Variants in PITPNM3 observed in about 807,000 individuals in gnomAD.
The protein encoded by PITPNM3 is PITPNM family member 3, also known as membrane-associated phosphatidylinositol transfer protein 3.
In PITPNM3, 26 loss-of-function variants were observed where a neutral mutation model predicts 102.0. The ratio of observed to expected loss-of-function variants is 0.25; its 90% CI spans 0.19 to 0.35. PITPNM3 has a LOEUF of 0.35. Among genes scored for constraint, PITPNM3 ranks in the 10% least tolerant of loss-of-function variants. The pLI, the probability that PITPNM3 is intolerant of heterozygous loss-of-function variation, is 1.00. For synonymous variants in PITPNM3, 578 were observed against 558.6 expected, an observed-to-expected ratio of 1.03 and a Z score of -0.49; for missense variants, 1,083 against 1,346.1, an observed-to-expected ratio of 0.80 and a Z score of 3.06.
chr17:6,504,128 C>T (rs543329553), intron 3 of PITPNM3, among the ~76,000 whole-genome samples: 3 of 152,332 alleles, frequency 2.0e-5, no homozygotes, highest in Admixed American at 6.5e-5. Context: ...TCTAGGGCCC[C>T]AGGTCTCTGA....
rs1468471216 is a variant in PITPNM3 at position 6,453,339 on chromosome 17, T to TG, written c.*1998dup. On this transcript the variant is annotated 3_prime_UTR_variant, in exon 20 of 20. Transcript: ENST00000262483. The stretch of plus-strand genomic sequence containing the variant: ...CTGCCCAAGTTTAAATCAGGATATT[T>TG]GGGGGAAGGATTAGGGTTGGGGTGG... 6.6e-6 allele frequency: 1 copy of TG among 152,214 alleles called. No homozygotes were observed. Among genetic ancestry groups the TG allele is most frequent in the Admixed American group, 6.5e-5 (1 of 15,272 alleles). The allele number at this position is 152,214 out of a possible 1,614,324, so 9.4% of individuals were successfully genotyped here. A position where few individuals can be genotyped will look rare whatever the true frequency, so the allele number is the denominator to read the frequency against.
In PITPNM3 at chr17:6,471,330, G is replaced by A. The variant is rs770645663; in HGVS notation, c.1455C>T (p.Pro485=). Residue 485 remains proline, a synonymous_variant, in exon 12 of 20, where the codon CCC becomes CCT. Transcript: ENST00000262483. The part of the protein sequence containing the change: ...LLADALHTHS[P]LFLEGSSRDS... ...CCCGGGAGCTGCCCTCCAGGAAGAGGGGGCTGTGGGTGTGTAGGGCATCAG... is the reference window on the plus strand; with the variant it reads ...CCCGGGAGCTGCCCTCCAGGAAGAGAGGGCTGTGGGTGTGTAGGGCATCAG... 3.1e-6 allele frequency: 5 copies of A among 1,605,350 alleles called. No individual in the cohort carries two copies. The South Asian group carries it at 5.5e-5, about 18-fold the overall frequency.
chr17:6,525,239 C>A (rs1394234398), intron 3 of PITPNM3, 117 bp downstream of exon 3: 5 of 929,426 alleles, frequency 5.4e-6, no homozygotes, highest in Non-Finnish European at 8.9e-6. Flanking sequence ...AAGGAGGAAC[C>A]AAGGCAGATA....
intron 3 of PITPNM3, among the ~76,000 whole-genome samples, chr17:6,508,006 G>A (rs1348434721): frequency 6.6e-6 from 1 of 151,936 alleles, no homozygotes; most frequent in Non-Finnish European, 1.5e-5. Flanking sequence ...GGGTTGCTGG[G>A]AATGCTGGGG....
chr17:6,534,288 G>A (rs531083202), intron 2 of PITPNM3, among the ~76,000 whole-genome samples: 4 of 152,318 alleles, frequency 2.6e-5, no homozygotes, highest in Non-Finnish European at 5.9e-5. Context: ...CTTAGCCAGA[G>A]GAGCTGGCAC....
intron 6 of PITPNM3, 79 bp downstream of exon 6, chr17:6,483,438 G>C: frequency 2.2e-6 from 3 of 1,383,176 alleles, no homozygotes; most frequent in East Asian, 4.9e-5. Flanking sequence ...TGCCCACGGG[G>C]TCCATGCTGC....
At chr17:6,508,007 A>G (rs1280900549) in intron 3 of PITPNM3, among the ~76,000 whole-genome samples, 1 of 151,556 alleles carries the variant, frequency 6.6e-6, no homozygotes, top group African/African-American at 2.4e-5. Flanking sequence ...GGTTGCTGGG[A>G]ATGCTGGGGA....
At chr17:6,505,012 T>G in intron 3 of PITPNM3, among the ~76,000 whole-genome samples, 1 of 151,750 alleles carries the variant, frequency 6.6e-6, no homozygotes, top group East Asian at 1.9e-4. Flanking sequence ...CTGTCTCTAC[T>G]AAAATACAAA....
intron 3 of PITPNM3, among the ~76,000 whole-genome samples, chr17:6,510,948 C>A (rs1359448339): frequency 6.6e-6 from 1 of 152,194 alleles, no homozygotes; most frequent in African/African-American, 2.4e-5. Context: ...AGCCCCCTGG[C>A]CATTTGACTA....
At chr17:6,551,709 G>T (rs386999) in intron 1 of PITPNM3, among the ~76,000 whole-genome samples, 87,035 of 151,304 alleles carry the variant, frequency 0.58, 26,446 homozygotes, top group African/African-American at 0.77. Flanking sequence ...GACCCCCATC[G>T]TTATGAAAAA....
chr17:6,545,715 G>A (rs1909984338), intron 1 of PITPNM3, among the ~76,000 whole-genome samples: 2 of 150,684 alleles, frequency 1.3e-5, no homozygotes, highest in South Asian at 4.3e-4. Flanking sequence ...AGCATCAGCT[G>A]GAAGTCTTTC....
At chr17:6,462,895 G>A (rs544325425) in intron 17 of PITPNM3, among the ~76,000 whole-genome samples, 144 of 152,218 alleles carry the variant, frequency 9.5e-4, no homozygotes, top group African/African-American at 3.1e-3. Flanking sequence ...GGAGCACCAT[G>A]GGGAGCACCC....
chr17:6,469,189 G>A lies in PITPNM3; in HGVS notation c.1774-848C>T, dbSNP rs937634835. Among the ~76,000 whole-genome samples, 23 of 152,152 alleles carry A rather than the reference G, an allele frequency of 1.5e-4. No individual in the cohort carries two copies. Among genetic ancestry groups the A allele is most frequent in the African/African-American group, 4.1e-4 (17 of 41,426 alleles). ...GCACTCATCGCCAGTTGTAAATGCC[G>A]TCCAAGCTCTGATGACACCCACATT... On this transcript the variant is annotated intron_variant, in intron 13 of 19. Coordinates refer to ENST00000262483, the MANE Select transcript of PITPNM3 (RefSeq NM_031220.4). The surrounding 1 kb of genome is among the most constrained non-coding windows in gnomAD (Gnocchi z 4.0).
At chr17:6,552,758 T>G in intron 1 of PITPNM3, among the ~76,000 whole-genome samples, 1 of 138,236 alleles carries the variant, frequency 7.2e-6, no homozygotes, top group African/African-American at 2.7e-5. Context: ...CCACCTTTCT[T>G]TTTCTTTTTT....
intron 1 of PITPNM3, 37 bp from the exon 2 acceptor site, chr17:6,538,119 ATGT>A: frequency 6.6e-7 from 1 of 1,507,556 alleles, no homozygotes; most frequent in Non-Finnish European, 9.2e-7. Flanking sequence ...CAAGCCTGAG[ATGT>A]TGTCCCAGTA....
chr17:6,464,824 G>T, intron 14 of PITPNM3, 53 bp from the exon 15 acceptor site: 1 of 1,549,638 alleles, frequency 6.5e-7, no homozygotes, highest in Non-Finnish European at 8.9e-7. Flanking sequence ...GCTCAACCTT[G>T]CTTTATCATT....
rs552640435 is a variant in PITPNM3 at position 6,458,660 on chromosome 17, C to T, written c.2491-938G>A. Among the ~76,000 whole-genome samples, 1 of 152,278 alleles carries T rather than the reference C, an allele frequency of 6.6e-6. No homozygotes were observed. The highest frequency in any genetic ancestry group is 2.4e-5 in the African/African-American group (1 of 41,536). ...CCAGCCCCCACCTGGCTGCTCTCAGCCTTACTGACACTTGTCTTTTCTGCA... is the reference window on the plus strand; with the variant it reads ...CCAGCCCCCACCTGGCTGCTCTCAGTCTTACTGACACTTGTCTTTTCTGCA... On this transcript the variant is annotated intron_variant, in intron 18 of 19. Coordinates refer to ENST00000262483, the MANE Select transcript of PITPNM3 (RefSeq NM_031220.4). The surrounding 1 kb of genome is among the most constrained non-coding windows in gnomAD (Gnocchi z 5.1).
chr17:6,490,684 A>G (rs1469597322), intron 4 of PITPNM3, among the ~76,000 whole-genome samples: 2 of 151,916 alleles, frequency 1.3e-5, no homozygotes, highest in South Asian at 2.1e-4. Context: ...GGCCGGGCGC[A>G]GTGGCTCATG....
chr17:6,481,900 A>AGAGAGAGAGAGAG (rs1905721848), intron 6 of PITPNM3: 1 of 106,562 alleles, frequency 9.4e-6, no homozygotes, highest in African/African-American at 3.7e-5. Flanking sequence ...AGAGAGAGAG[A>AGAGAGAGAGAGAG]ATACATAGAT....
Sources: allele counts gnomAD v4.1 joint callset (sites outside exome capture counted in the v4.1 genomes callset), GRCh38; gene constraint gnomAD v4.1.1; non-coding constraint Gnocchi (gnomAD v3.1); transcripts MANE v1.5; gene names NCBI Gene and HGNC (gene_info 2026-07-23, HGNC 2026-07-21).